ZNF208: variants seen among roughly 807,000 people sequenced by gnomAD.
ZNF208 encodes the protein zinc finger protein 208.
In ZNF208, 10 loss-of-function variants were observed where a neutral mutation model predicts 12.1. That is an observed-to-expected ratio of 0.83 (90% CI 0.51 to 1.40). ZNF208 has a LOEUF of 1.40. Ranked by LOEUF, ZNF208 falls within the 40% of genes most tolerant of loss-of-function variation. The probability of loss-of-function intolerance (pLI) is 0.00; values close to 1 mark genes in which losing one functional copy is unlikely to be tolerated. For missense variants in ZNF208, 1,652 were observed against 1,485.0 expected (o/e 1.11, Z -1.85); for synonymous variants, 497 against 488.4 (o/e 1.02, Z -0.23).
At chr19:21,980,291 C>T (rs569171044) in intron 3 of ZNF208, among the ~76,000 whole-genome samples, 1 of 93,630 alleles carries the variant, frequency 1.1e-5, no homozygotes, top group East Asian at 4.1e-4. Context: ...GGCACCACAT[C>T]ACTCTTAAAT....
At chr19:21,964,985 A>G (rs1463229734), downstream of ZNF208, among the ~76,000 whole-genome samples, 1 of 151,972 alleles carries the variant, frequency 6.6e-6, no homozygotes, top group African/African-American at 2.4e-5. Flanking sequence ...CTACAAGCCT[A>G]TAAATTTTAT....
At chr19:22,003,341 C>T (rs1970987526) in intron 1 of ZNF208, among the ~76,000 whole-genome samples, 1 of 151,828 alleles carries the variant, frequency 6.6e-6, no homozygotes, top group African/African-American at 2.4e-5. Flanking sequence ...ACAAATGGGA[C>T]CTAATTAAAC....
chr19:21,972,991 A>T lies in ZNF208; in HGVS notation c.2043T>A (p.Thr681=), dbSNP rs1237302331. 1 of 1,613,544 alleles carries T rather than the reference A, an allele frequency of 6.2e-7. No homozygotes were observed. The highest frequency in any genetic ancestry group is 1.3e-5 in the African/African-American group (1 of 74,908). The change falls in exon 4 of 4, where the codon ACT becomes ACA. Residue 681 remains threonine (T), a synonymous_variant. Coordinates refer to ENST00000397126, the MANE Select transcript of ZNF208 (RefSeq NM_007153.3). ...CTCCAGTATGAATTACCTTATGTTT[A>T]GTAAGGATTGAGAACTTACTAAAGG... The part of the protein sequence containing the change: ...GKAFSKFSIL[T]KHKVIHTGEK...
chr19:22,009,022 T>G (rs535398539), intron 1 of ZNF208, among the ~76,000 whole-genome samples: 5 of 152,162 alleles, frequency 3.3e-5, no homozygotes, highest in African/African-American at 4.8e-5. Flanking sequence ...CTGAAGGGTG[T>G]CTGAGGACAC....
rs1345152525 is a variant in ZNF208 at position 21,987,228 on chromosome 19, C to G, written c.214G>C (p.Glu72Gln). ...CACTCTCACCTACCTGGGGATTCTTCCACCATCTCATGTCTCTTCATATTC... is the reference window on the plus strand; with the variant it reads ...CACTCTCACCTACCTGGGGATTCTTGCACCATCTCATGTCTCTTCATATTC... ...SWNMKRHEMV[E>Q]ESPVICSHFA... Residue 72 changes from glutamate (E) to glutamine (Q), a missense_variant, in exon 3 of 4, where the codon GAA becomes CAA. Coordinates refer to ENST00000397126, the MANE Select transcript of ZNF208 (RefSeq NM_007153.3). The G allele has an allele frequency of 1.9e-6, 3 of 1,611,236 alleles. No individual in the cohort carries two copies. The Admixed American group carries it at 5.0e-5, about 27-fold the overall frequency.
chr19:21,987,699 G>T (rs1337185878), intron 2 of ZNF208, among the ~76,000 whole-genome samples: 1 of 152,180 alleles, frequency 6.6e-6, no homozygotes, highest in Non-Finnish European at 1.5e-5. Flanking sequence ...TCTCCGGTAA[G>T]TTAAAGAATG....
At chr19:21,943,546 C>G (rs777919482) in intron 4 of ZNF208, among the ~76,000 whole-genome samples, 2 of 152,136 alleles carry the variant, frequency 1.3e-5, no homozygotes, top group Non-Finnish European at 2.9e-5. Context: ...ATGTAAAAGT[C>G]TTTATACACA....
intron 4 of ZNF208, among the ~76,000 whole-genome samples, chr19:21,949,294 A>G (rs1224864717): frequency 6.6e-6 from 1 of 152,220 alleles, no homozygotes; most frequent in African/African-American, 2.4e-5. Context: ...AGGCACTAAG[A>G]CTTTCCTCAA....
intron 4 of ZNF208, among the ~76,000 whole-genome samples, chr19:21,945,795 T>C (rs113217316): frequency 1.3e-4 from 20 of 152,222 alleles, no homozygotes; most frequent in African/African-American, 3.6e-4. Context: ...CTTACTAGCA[T>C]TGAGAGACAT....
intron 3 of ZNF208, 116 bp downstream of exon 3, chr19:21,987,100 T>C (rs1348414297): frequency 9.7e-7 from 1 of 1,030,198 alleles, no homozygotes; most frequent in Non-Finnish European, 1.4e-6. Context: ...AAATAAAAAT[T>C]AGTCTCTCCA....
intron 3 of ZNF208, among the ~76,000 whole-genome samples, chr19:21,976,652 C>A (rs1021937900): frequency 4.6e-5 from 7 of 152,140 alleles, no homozygotes; most frequent in Admixed American, 4.6e-4. Context: ...CCTCTGCCTC[C>A]CAGGTTCAAG....
chr19:21,971,294 T>A lies in ZNF208; in HGVS notation c.3740A>T (p.His1247Leu), dbSNP rs1970276311. The A allele has an allele frequency of 1.9e-6, 3 of 1,612,076 alleles. No individual in the cohort carries two copies. Among genetic ancestry groups the A allele is most frequent in the Non-Finnish European group, 2.5e-6 (3 of 1,179,938 alleles). The change falls in exon 4 of 4, where the codon CAT becomes CTT. Residue 1247 changes from histidine (H) to leucine (L), a missense_variant. Physicochemically the swap from His to Leu is moderately conservative, Grantham distance 99. Transcript: ENST00000397126. ...FSILTKHKVI[H>L]TGEKPYKCEE... Reference sequence around the variant, plus strand: ...ACATTTGTAGGGTTTCTCTCCAGTATGAATTACCTTATGTTTAGTGAGGAT... The same window carrying A: ...ACATTTGTAGGGTTTCTCTCCAGTAAGAATTACCTTATGTTTAGTGAGGAT...
In ZNF208 at chr19:21,971,158, C is replaced by T. The variant is rs767747381; in HGVS notation, c.*33G>A. Reference sequence around the variant, plus strand: ...TCTTATGATAACTAAGGGTTGAGGGCCACTTATAGGCTTTGCCACATTCTT... The same window carrying T: ...TCTTATGATAACTAAGGGTTGAGGGTCACTTATAGGCTTTGCCACATTCTT... On this transcript the variant is annotated 3_prime_UTR_variant, in exon 4 of 4. Coordinates refer to ENST00000397126, the MANE Select transcript of ZNF208 (RefSeq NM_007153.3). 3 of 1,612,274 alleles carry T rather than the reference C, an allele frequency of 1.9e-6. No homozygotes were observed. The highest frequency in any genetic ancestry group is 3.3e-5 in the Admixed American group (2 of 59,710).
rs3029025 is a variant in ZNF208 at position 21,969,277 on chromosome 19, G to GA, written c.*1913dup. On this transcript the variant is annotated 3_prime_UTR_variant, in exon 4 of 4. Transcript: ENST00000397126. ...TGGCCACAGTAAGCCAATGTGTCTGGAAAAAAAAAAAATCTGTGTTTTGAA... is the reference window on the plus strand; with the variant it reads ...TGGCCACAGTAAGCCAATGTGTCTGGAAAAAAAAAAAAATCTGTGTTTTGAA... Among the ~76,000 whole-genome samples, 66 of 149,514 alleles carry GA rather than the reference G, an allele frequency of 4.4e-4. No homozygotes were observed. The highest frequency in any genetic ancestry group is 1.3e-3 in the South Asian group (6 of 4,692).
chr19:21,965,036 T>C (rs974398498), downstream of ZNF208, among the ~76,000 whole-genome samples: 14 of 152,072 alleles, frequency 9.2e-5, no homozygotes, highest in Non-Finnish European at 1.3e-4. Context: ...GATCTGTATG[T>C]TTAAGATTAT....
In ZNF208 at chr19:21,955,659, G is replaced by A. The variant is rs146629937; in HGVS notation, c.305+19070C>T. ...TATGCATGTGTCATGTAGTTCTTGT[G>A]CCAAGGTTTTCAGCTTCATTAGGTC... On this transcript the variant is annotated intron_variant, in intron 4 of 4. Transcript: ENST00000599916. Among the ~76,000 whole-genome samples, 1,124 of 152,218 alleles carry A rather than the reference G, an allele frequency of 7.4e-3. 14 individuals carry two copies. The highest frequency in any genetic ancestry group is 0.026 in the African/African-American group (1,083 of 41,526).
chr19:21,958,745 A>AC (rs541984739), intron 4 of ZNF208, among the ~76,000 whole-genome samples: 85,823 of 151,886 alleles, frequency 0.57, 24,484 homozygotes, highest in East Asian at 0.69. Context: ...TAGCTGCTAG[A>AC]ACAGTACCCC....
rs1028174235 is a variant in ZNF208 at position 21,985,697 on chromosome 19, C to T, written c.226+1519G>A. Among the ~76,000 whole-genome samples the T allele has an allele frequency of 4.6e-5, 7 of 152,290 alleles. No individual in the cohort carries two copies. In the South Asian group the frequency reaches 6.2e-4, roughly 14 times the overall value. ...GAGAGATACCCATTTAGAGCCATGA[C>T]GGCAGGCCGGCAGACCTTGGTCCTT... On this transcript the variant is annotated intron_variant, in intron 3 of 3. Transcript: ENST00000397126.
chr19:21,968,368 AT>A lies in ZNF208; in HGVS notation c.*2822del, dbSNP rs1463705015. ...TGTCATAGATGACTCTTATTAAGAT[AT>A]TTTCATCAATGTCCAGTGTGTTGAC... is the stretch of plus-strand genomic sequence containing the variant. On this transcript the variant is annotated 3_prime_UTR_variant, in exon 4 of 4. Coordinates refer to ENST00000397126, the MANE Select transcript of ZNF208 (RefSeq NM_007153.3). 6.6e-6 allele frequency: 1 copy of A among 152,000 alleles called. No individual in the cohort carries two copies. Among genetic ancestry groups the A allele is most frequent in the African/African-American group, 2.4e-5 (1 of 41,394 alleles). The allele number at this position is 152,000 out of a possible 1,614,324, so 9.4% of individuals were successfully genotyped here. A position where few individuals can be genotyped will look rare whatever the true frequency, so the allele number is the denominator to read the frequency against.
Sources: allele counts gnomAD v4.1 joint callset (sites outside exome capture counted in the v4.1 genomes callset), GRCh38; gene constraint gnomAD v4.1.1; transcripts MANE v1.5; gene names NCBI Gene and HGNC (gene_info 2026-07-23, HGNC 2026-07-21).